ECPAS: variants seen among roughly 807,000 people sequenced by gnomAD.
ECPAS encodes the protein Ecm29 proteasome adaptor and scaffold, also known as proteasome adapter and scaffold protein ECM29.
Under a neutral mutation model 255.1 loss-of-function variants are expected in ECPAS, and 70 were observed. That is an observed-to-expected ratio of 0.27 (90% CI 0.23 to 0.33). The LOEUF (loss-of-function observed/expected upper bound fraction) is 0.33. ECPAS is among the 10% of genes least tolerant of loss of function. The pLI, the probability that ECPAS is intolerant of heterozygous loss-of-function variation, is 1.00. For synonymous variants in ECPAS, 784 were observed against 775.0 expected (o/e 1.01, Z -0.19); for missense variants, 1,817 against 2,206.4 (o/e 0.82, Z 3.54).
chr9:111,392,988 CAAAGT>C (rs974959005), intron 27 of ECPAS, 106 bp from the exon 28 acceptor site: 32 of 636,104 alleles, frequency 5.0e-5, no homozygotes, highest in African/African-American at 9.3e-5. Context: ...AAAATGATAT[CAAAGT>C]AAAGATATAA....
At chr9:111,412,275 T>C in intron 20 of ECPAS, 127 bp from the exon 21 acceptor site, 1 of 835,440 alleles carries the variant, frequency 1.2e-6, no homozygotes. Context: ...AAGCCATTAT[T>C]TGAAAACAAA....
chr9:111,373,819 G>A (rs1184291846), intron 39 of ECPAS, among the ~76,000 whole-genome samples, 153 bp downstream of exon 39: 1 of 152,202 alleles, frequency 6.6e-6, no homozygotes, highest in Non-Finnish European at 1.5e-5. Context: ...ACCTCCTGCA[G>A]ACAAAGAAAT....
rs1358032432 is a variant in ECPAS, at chr9:111,404,503, G to A, written c.2652+4068C>T. On this transcript the variant is annotated intron_variant, in intron 24 of 49. Coordinates refer to ENST00000684092, the MANE Select transcript of ECPAS (RefSeq NM_001364929.1). ...TGGAGGAGAGGCCTGGTGGGGGGGT[G>A]ACTGGATCTTGGGGGTGGACTTCCC... 2.7e-5 allele frequency among the ~76,000 whole-genome samples: 4 copies of A among 149,002 alleles called. No individual in the cohort carries two copies. In the East Asian group the frequency reaches 6.1e-4, roughly 23 times the overall value.
chr9:111,377,579 A>G (rs573930130), intron 36 of ECPAS, among the ~76,000 whole-genome samples: 6 of 152,266 alleles, frequency 3.9e-5, no homozygotes, highest in South Asian at 2.1e-4. Flanking sequence ...ATTAAAAAGA[A>G]TAAGTGTATA....
chr9:111,379,863 G>C (rs191360126), intron 35 of ECPAS, among the ~76,000 whole-genome samples: 1 of 152,288 alleles, frequency 6.6e-6, no homozygotes, highest in Non-Finnish European at 1.5e-5. Context: ...CAACAATTCA[G>C]TCACGTCTTC....
Position 111,366,615 on chromosome 9 carries a change from T to C in ECPAS, c.5126A>G (p.Gln1709Arg). The part of the protein sequence containing the change: ...RNAETQRCYR[Q>R]ELCKLMCERL... ...TTCACACATCAGTTTGCACAGCTCC[T>C]GACGATAACAACCTGGGAAAAAAAG... is the stretch of plus-strand genomic sequence containing the variant. The change falls in exon 47 of 50, where the codon CAG becomes CGG. Residue 1709 changes from glutamine to arginine, a missense_variant. Around this residue, in one of 4 missense-constraint regions of ECPAS, gnomAD observed 960 missense variants for 1,179.0 expected, o/e 0.81. Coordinates refer to ENST00000684092, the MANE Select transcript of ECPAS (RefSeq NM_001364929.1). 1 of 1,612,198 alleles carries C rather than the reference T, an allele frequency of 6.2e-7. No homozygotes were observed. Among genetic ancestry groups the C allele is most frequent in the Non-Finnish European group, 8.5e-7 (1 of 1,178,790 alleles).
intron 34 of ECPAS, among the ~76,000 whole-genome samples, chr9:111,383,629 AAAGGTTT>A (rs1233509124): frequency 1.3e-5 from 2 of 152,212 alleles, no homozygotes; most frequent in African/African-American, 4.8e-5. Flanking sequence ...GCACTTTAAA[AAAGGTTT>A]AGGGCTGGGT....
intron 17 of ECPAS, 132 bp from the exon 18 acceptor site, chr9:111,416,484 C>G (rs2098203688): frequency 1.5e-6 from 1 of 665,038 alleles, no homozygotes; most frequent in Non-Finnish European, 2.6e-6. Context: ...AAACATTTTC[C>G]ACTTTCCTAT....
intron 5 of ECPAS, among the ~76,000 whole-genome samples, chr9:111,441,710 G>C (rs1158565028): frequency 6.6e-6 from 1 of 152,052 alleles, no homozygotes; most frequent in Non-Finnish European, 1.5e-5. Flanking sequence ...AATTTTACTT[G>C]TAAACTTCTT....
intron 45 of ECPAS, among the ~76,000 whole-genome samples, chr9:111,369,742 TGGG>T (rs869103373): frequency 1.6e-4 from 24 of 151,306 alleles, no homozygotes; most frequent in Admixed American, 7.9e-4. Flanking sequence ...CCCTTTTTTT[TGGG>T]GGGGGGACCA....
At chr9:111,446,027 A>G (rs568262342) in intron 3 of ECPAS, among the ~76,000 whole-genome samples, 132 of 152,322 alleles carry the variant, frequency 8.7e-4, no homozygotes, top group Non-Finnish European at 1.7e-3. Flanking sequence ...TTATGGCTGC[A>G]TAGTAGTCCA....
chr9:111,468,739 G>A (rs1406965462), intron 2 of ECPAS, among the ~76,000 whole-genome samples: 2 of 141,504 alleles, frequency 1.4e-5, no homozygotes, highest in East Asian at 4.9e-4. Flanking sequence ...TCAGAAGTGG[G>A]AGCCCAGAAA....
intron 1 of ECPAS, among the ~76,000 whole-genome samples, chr9:111,477,079 G>A (rs1189274794): frequency 6.6e-6 from 1 of 152,008 alleles, no homozygotes; most frequent in African/African-American, 2.4e-5. Flanking sequence ...TGGGATTACA[G>A]GCGTGAGCCA....
At chr9:111,473,957 ACCCT>A (rs1192910272) in intron 1 of ECPAS, among the ~76,000 whole-genome samples, 1 of 152,022 alleles carries the variant, frequency 6.6e-6, no homozygotes, top group Non-Finnish European at 1.5e-5. Flanking sequence ...ACAGAGAGAG[ACCCT>A]GTCTCAATAA....
In ECPAS at chr9:111,438,811, C is replaced by T. The variant is rs572372344; in HGVS notation, c.539+1561G>A. 2.0e-5 allele frequency among the ~76,000 whole-genome samples: 3 copies of T among 152,290 alleles called. No individual in the cohort carries two copies. In the East Asian group the frequency reaches 5.8e-4, roughly 29 times the overall value. On this transcript the variant is annotated intron_variant, in intron 6 of 49. Coordinates refer to ENST00000684092, the MANE Select transcript of ECPAS (RefSeq NM_001364929.1). ...GTGACTGAAGGCCCAGAAAATTGGG[C>T]TTCCAAACAAGAGGGGCAGGAGGAG...
intron 30 of ECPAS, 89 bp downstream of exon 30, chr9:111,389,895 G>T: frequency 1.8e-6 from 2 of 1,133,886 alleles, no homozygotes; most frequent in Admixed American, 4.2e-5. Context: ...TTCACAAAAT[G>T]CACTACATAC....
intron 9 of ECPAS, among the ~76,000 whole-genome samples, chr9:111,429,528 G>T (rs2098226742): frequency 6.6e-6 from 1 of 152,096 alleles, no homozygotes; most frequent in Non-Finnish European, 1.5e-5. Flanking sequence ...AAGAACATGA[G>T]GCCAGGAAAA....
intron 9 of ECPAS, among the ~76,000 whole-genome samples, chr9:111,429,543 T>C (rs575300824): frequency 2.0e-5 from 3 of 152,296 alleles, no homozygotes; most frequent in Admixed American, 2.0e-4. Flanking sequence ...GGAAAAGTTA[T>C]GTGATCAGCC....
At chr9:111,370,651 C>G in intron 44 of ECPAS, 24 bp from the exon 45 acceptor site, 1 of 1,607,854 alleles carries the variant, frequency 6.2e-7, no homozygotes, top group Non-Finnish European at 8.5e-7. Flanking sequence ...ACAAAAGCAT[C>G]AGAAGTTAAT....
Sources: allele counts gnomAD v4.1 joint callset (sites outside exome capture counted in the v4.1 genomes callset), GRCh38; gene constraint gnomAD v4.1.1; regional missense constraint gnomAD v4.1.1; transcripts MANE v1.5; gene names NCBI Gene and HGNC (gene_info 2026-07-23, HGNC 2026-07-21).